CAPZB: variants seen among roughly 807,000 people sequenced by gnomAD.
The protein encoded by CAPZB is F-actin-capping protein subunit beta.
Under a neutral mutation model 38.1 loss-of-function variants are expected in CAPZB, and 2 were observed. The observed-to-expected ratio is 0.05, with a 90% CI of 0.02 to 0.17. The LOEUF is 0.17. Ranked by LOEUF, CAPZB falls within the 10% of genes least tolerant of loss-of-function variation. The probability of loss-of-function intolerance (pLI) is 1.00; values close to 1 mark genes in which losing one functional copy is unlikely to be tolerated. For missense variants in CAPZB, 161 were observed against 334.2 expected (o/e 0.48, Z 4.04); for synonymous variants, 107 against 127.4 (o/e 0.84, Z 1.08).
chr1:19,410,250 T>C (rs994311806), intron 2 of CAPZB, among the ~76,000 whole-genome samples: 2 of 152,146 alleles, frequency 1.3e-5, no homozygotes, highest in East Asian at 1.9e-4. Context: ...TTAGAACAGA[T>C]AGGATGCCAG....
intron 1 of CAPZB, among the ~76,000 whole-genome samples, chr1:19,421,794 C>A (rs754516581): frequency 1.3e-5 from 2 of 152,200 alleles, no homozygotes; most frequent in Non-Finnish European, 2.9e-5. Flanking sequence ...AATGGGAACA[C>A]AGTATCTTCC....
In CAPZB at chr1:19,472,709, A is replaced by ATTTTTTTT. The variant is rs11334966; in HGVS notation, c.3+12719_3+12726dup. 2.7e-3 allele frequency among the ~76,000 whole-genome samples: 166 copies of ATTTTTTTT among 61,204 alleles called. 16 individuals are homozygous for ATTTTTTTT. The highest frequency in any genetic ancestry group is 0.011 in the African/African-American group (157 of 14,444). 40.2% of individuals were successfully genotyped at this position (61,204 alleles called of 152,430 possible). Reference sequence around the variant, plus strand: ...TGCAACTACTGCGCTTTCATTCTTCATTTTTTTTTTTTTTTTTTTTTTTTT... The same window carrying ATTTTTTTT: ...TGCAACTACTGCGCTTTCATTCTTCATTTTTTTTTTTTTTTTTTTTTTTTTTTTTTTTT... On this transcript the variant is annotated intron_variant, in intron 1 of 8. Coordinates refer to ENST00000264202, the MANE Select transcript of CAPZB (RefSeq NM_004930.5).
At chr1:19,410,456 C>T (rs1291430821) in intron 2 of CAPZB, among the ~76,000 whole-genome samples, 2 of 152,172 alleles carry the variant, frequency 1.3e-5, no homozygotes, top group Non-Finnish European at 2.9e-5. Context: ...CACTTTCCCC[C>T]CAAACACACA....
intron 1 of CAPZB, among the ~76,000 whole-genome samples, chr1:19,453,800 C>T (rs1183497801): frequency 6.6e-6 from 1 of 152,226 alleles, no homozygotes; most frequent in Non-Finnish European, 1.5e-5. Flanking sequence ...GAATCCACCC[C>T]TTTTACTATG....
intron 2 of CAPZB, among the ~76,000 whole-genome samples, chr1:19,396,716 G>T (rs2094271699): frequency 6.6e-6 from 1 of 151,518 alleles, no homozygotes. Flanking sequence ...CGAGGCAGGA[G>T]GATCACTTGA....
intron 2 of CAPZB, among the ~76,000 whole-genome samples, chr1:19,396,900 C>A (rs554961370): frequency 6.6e-6 from 1 of 152,002 alleles, no homozygotes; most frequent in South Asian, 2.1e-4. Context: ...GTGCAGTGAG[C>A]CGAGATGGCG....
intron 1 of CAPZB, among the ~76,000 whole-genome samples, chr1:19,481,556 T>C (rs1352854808): frequency 6.6e-6 from 1 of 152,202 alleles, no homozygotes; most frequent in African/African-American, 2.4e-5. Flanking sequence ...CTAAGTCATG[T>C]TTCTGGGTCA....
At chr1:19,463,194 G>T (rs2094557742) in intron 1 of CAPZB, among the ~76,000 whole-genome samples, 1 of 152,162 alleles carries the variant, frequency 6.6e-6, no homozygotes, top group African/African-American at 2.4e-5. Flanking sequence ...GTATTATTAG[G>T]TGGCTGCGCG....
chr1:19,416,564 A>G (rs2094380140), intron 2 of CAPZB, among the ~76,000 whole-genome samples: 1 of 152,216 alleles, frequency 6.6e-6, no homozygotes, highest in African/African-American at 2.4e-5. Flanking sequence ...CCTCAACCTC[A>G]GCCCACCTCC....
intron 3 of CAPZB, among the ~76,000 whole-genome samples, chr1:19,381,123 C>T (rs376748592): frequency 1.3e-5 from 2 of 152,030 alleles, no homozygotes; most frequent in Middle Eastern, 3.4e-3. Flanking sequence ...GAGCTGAGAT[C>T]GCGCCACTGC....
intron 2 of CAPZB, among the ~76,000 whole-genome samples, chr1:19,394,146 G>A (rs2094253561): frequency 6.6e-6 from 1 of 152,198 alleles, no homozygotes; most frequent in African/African-American, 2.4e-5. Context: ...GATTATAAGT[G>A]TGCACCACCA....
At chr1:19,366,307 T>TATATATATATATATATAA (rs1243032633) in intron 4 of CAPZB, among the ~76,000 whole-genome samples, 1 of 74,168 alleles carries the variant, frequency 1.3e-5, no homozygotes, top group East Asian at 3.8e-4. Context: ...TATATATATA[T>TATATATATATATATATAA]ATAAATAAAA....
intron 1 of CAPZB, among the ~76,000 whole-genome samples, chr1:19,438,725 A>C (rs2094466191): frequency 6.6e-6 from 1 of 152,200 alleles, no homozygotes; most frequent in Admixed American, 6.5e-5. Flanking sequence ...AGGACACACG[A>C]GGCCACATGA....
chr1:19,399,399 T>C (rs2100340929), intron 2 of CAPZB, among the ~76,000 whole-genome samples: 1 of 152,330 alleles, frequency 6.6e-6, no homozygotes, highest in East Asian at 1.9e-4. Context: ...AAAGTGACCC[T>C]GGGTGTCAGG....
At chr1:19,411,984 G>A (rs112588627) in intron 2 of CAPZB, among the ~76,000 whole-genome samples, 321 of 152,314 alleles carry the variant, frequency 2.1e-3, no homozygotes, top group African/African-American at 7.2e-3. Flanking sequence ...ACCGTCCAGA[G>A]CATGCCTCCT....
chr1:19,463,633 C>T (rs1397452150), intron 1 of CAPZB, among the ~76,000 whole-genome samples: 2 of 152,168 alleles, frequency 1.3e-5, no homozygotes, highest in African/African-American at 4.8e-5. Flanking sequence ...ACCATGCCCA[C>T]CTCCACCACT....
In CAPZB at chr1:19,419,756, G is replaced by A. The variant is rs1450821579; in HGVS notation, c.4-6C>T. 2 of 1,521,528 alleles carry A rather than the reference G, an allele frequency of 1.3e-6. No individual in the cohort carries two copies. The highest frequency in any genetic ancestry group is 3.7e-5 in the Admixed American group (2 of 54,426). 94.3% of individuals were successfully genotyped at this position (1,521,528 alleles called of 1,614,324 possible). A position where few individuals can be genotyped will look rare whatever the true frequency, so the allele number is the denominator to read the frequency against. ...CAGTCCAGCTGCTGATCACTCTGTGGAGGGAGAAATACAAGTGCGTCAGTC... is the reference window on the plus strand; with the variant it reads ...CAGTCCAGCTGCTGATCACTCTGTGAAGGGAGAAATACAAGTGCGTCAGTC... On this transcript the variant is annotated splice_polypyrimidine_tract_variant and splice_region_variant and intron_variant, in intron 1 of 8. Transcript: ENST00000264202.
intron 1 of CAPZB, among the ~76,000 whole-genome samples, chr1:19,455,762 G>C (rs910681058): frequency 1.1e-4 from 16 of 152,156 alleles, no homozygotes; most frequent in African/African-American, 3.6e-4. Flanking sequence ...CAGACTCAGA[G>C]GTCCATGGAC....
chr1:19,450,584 A>T (rs967666917), intron 1 of CAPZB, among the ~76,000 whole-genome samples: 5 of 152,188 alleles, frequency 3.3e-5, no homozygotes, highest in Admixed American at 3.3e-4. Flanking sequence ...GGACTGAGGT[A>T]GGGAGAGGTT....
Sources: allele counts gnomAD v4.1 joint callset (sites outside exome capture counted in the v4.1 genomes callset), GRCh38; gene constraint gnomAD v4.1.1; transcripts MANE v1.5; gene names NCBI Gene and HGNC (gene_info 2026-07-23, HGNC 2026-07-21).